WDFY1: variants seen among roughly 807,000 people sequenced by gnomAD.
WDFY1 encodes WD repeat and FYVE domain-containing protein 1.
In WDFY1, 32 loss-of-function variants were observed where a neutral mutation model predicts 56.4. That is an observed-to-expected ratio of 0.57 (90% CI 0.43 to 0.76). The LOEUF is 0.76. WDFY1 is among the 30% of genes least tolerant of loss of function. WDFY1 has a pLI of 0.00. For missense variants in WDFY1, 480 were observed against 545.7 expected (o/e 0.88, Z 1.20); for synonymous variants, 192 against 197.3 (o/e 0.97, Z 0.23).
At position 223,905,277 on chromosome 2, in the gene WDFY1, GA is replaced by G. The variant is rs1693577620; in HGVS notation, c.334+669del. Among the ~76,000 whole-genome samples, 8 of 152,228 alleles carry G rather than the reference GA, an allele frequency of 5.3e-5. No individual in the cohort carries two copies. The South Asian group carries it at 1.7e-3, about 32-fold the overall frequency. On this transcript the variant is annotated intron_variant, in intron 4 of 11. Transcript: ENST00000233055. ...GCACTTAAAAAACTTTTTAATGTCT[GA>G]CCCGGTTATTCCACTTTGTAGGAAT...
intron 1 of WDFY1, among the ~76,000 whole-genome samples, chr2:223,929,602 C>T (rs1694042191): frequency 1.3e-5 from 2 of 152,146 alleles, no homozygotes; most frequent in East Asian, 3.9e-4. Context: ...TGATTTCCCA[C>T]CTCCCTGCAC....
chr2:223,888,878 G>A (rs757768664), intron 8 of WDFY1, among the ~76,000 whole-genome samples: 15 of 146,420 alleles, frequency 1.0e-4, no homozygotes, highest in South Asian at 4.3e-4. Flanking sequence ...GTGAGTCACC[G>A]TGCCTGGCCT....
intron 4 of WDFY1, among the ~76,000 whole-genome samples, chr2:223,903,941 AT>A (rs1693555062): frequency 6.6e-6 from 1 of 152,130 alleles, no homozygotes; most frequent in African/African-American, 2.4e-5. Context: ...TTATTAAGGA[AT>A]TTGCCTTTTG....
intron 6 of WDFY1, among the ~76,000 whole-genome samples, chr2:223,896,858 G>A (rs1440953284): frequency 6.6e-6 from 1 of 152,144 alleles, no homozygotes; most frequent in Non-Finnish European, 1.5e-5. Flanking sequence ...AGAGGCTTAA[G>A]AGCAGATAAA....
At chr2:223,901,692 C>A (rs1173629885) in intron 4 of WDFY1, among the ~76,000 whole-genome samples, 1 of 150,010 alleles carries the variant, frequency 6.7e-6, no homozygotes, top group East Asian at 2.0e-4. Context: ...ACTGTATGAA[C>A]AAGAACCATG....
At chr2:223,892,028 G>A (rs1213518764) in intron 8 of WDFY1, among the ~76,000 whole-genome samples, 1 of 152,180 alleles carries the variant, frequency 6.6e-6, no homozygotes, top group South Asian at 2.1e-4. Context: ...AGGTTGGAGC[G>A]CAGTGGTGCA....
At chr2:223,900,427 A>AACT (rs768094867) in intron 5 of WDFY1, among the ~76,000 whole-genome samples, 1 of 152,198 alleles carries the variant, frequency 6.6e-6, no homozygotes, top group Non-Finnish European at 1.5e-5. Context: ...CTGAGAGAGA[A>AACT]ACTACTGCGG....
chr2:223,938,856 ATT>A (rs10626915), intron 1 of WDFY1, among the ~76,000 whole-genome samples: 3 of 140,466 alleles, frequency 2.1e-5, no homozygotes, highest in Non-Finnish European at 3.0e-5. Context: ...TGTAAGCAGT[ATT>A]TTTTTTTTTT....
chr2:223,896,976 T>A (rs904867082), intron 6 of WDFY1, among the ~76,000 whole-genome samples: 1 of 152,114 alleles, frequency 6.6e-6, no homozygotes, highest in Non-Finnish European at 1.5e-5. Context: ...ATGAGAGAAT[T>A]AGTCATAAAC....
At position 223,945,293 on chromosome 2, in the gene WDFY1, G is replaced by A; in HGVS notation, c.-9C>T. ...TGGATTTCGGCCGCCATGTTCGCGC[G>A]GCGACTGCTGCGGCCTCCTCGGCAG... is the stretch of plus-strand genomic sequence containing the variant. On this transcript the variant is annotated 5_prime_UTR_variant, in exon 1 of 12. Transcript: ENST00000233055. 1 of 1,565,578 alleles carries A rather than the reference G, an allele frequency of 6.4e-7. No individual in the cohort carries two copies. Among genetic ancestry groups the A allele is most frequent in the South Asian group, 1.1e-5 (1 of 87,692 alleles).
chr2:223,882,167 T>G, intron 9 of WDFY1, 95 bp from the exon 10 acceptor site: 6 of 1,444,656 alleles, frequency 4.2e-6, no homozygotes, highest in Non-Finnish European at 5.5e-6. Flanking sequence ...CAGGCTGGAG[T>G]GCAGTGGCGT....
At position 223,938,349 on chromosome 2, in the gene WDFY1, CTG is replaced by C. The variant is rs534515855; in HGVS notation, c.137+6797_137+6798del. On this transcript the variant is annotated intron_variant, in intron 1 of 11. Coordinates refer to ENST00000233055, the MANE Select transcript of WDFY1 (RefSeq NM_020830.5). Reference sequence around the variant, plus strand: ...AAAATTGTATCATTCAATCAACTGACTGTCTACATTTTTGGTGCAGTCCACAG... The same window carrying C: ...AAAATTGTATCATTCAATCAACTGACTCTACATTTTTGGTGCAGTCCACAG... Among the ~76,000 whole-genome samples, 242 of 152,308 alleles carry C rather than the reference CTG, an allele frequency of 1.6e-3. 1 individual carries two copies. The highest frequency in any genetic ancestry group is 2.2e-3 in the Non-Finnish European group (152 of 68,022).
At chr2:223,902,774 T>C (rs1243669125) in intron 4 of WDFY1, among the ~76,000 whole-genome samples, 5 of 149,664 alleles carry the variant, frequency 3.3e-5, no homozygotes, top group Non-Finnish European at 7.4e-5. Context: ...AAAATATTTA[T>C]AAATATATAT....
intron 5 of WDFY1, among the ~76,000 whole-genome samples, chr2:223,899,467 G>A (rs138826048): frequency 6.6e-6 from 1 of 152,314 alleles, no homozygotes; most frequent in African/African-American, 2.4e-5. Context: ...CTACTGGGCT[G>A]GCTGCAGTGG....
At chr2:223,886,025 AG>A (rs1693169742) in intron 8 of WDFY1, among the ~76,000 whole-genome samples, 1 of 152,226 alleles carries the variant, frequency 6.6e-6, no homozygotes, top group African/African-American at 2.4e-5. Flanking sequence ...CAGAGGAAGC[AG>A]TCTCAAAATT....
intron 9 of WDFY1, 149 bp downstream of exon 9, chr2:223,884,499 T>C (rs1339789848): frequency 1.6e-5 from 12 of 744,418 alleles, no homozygotes; most frequent in Non-Finnish European, 2.3e-5. Flanking sequence ...GTCTTCCTCA[T>C]TGTTAGTCAC....
chr2:223,945,296 G>C lies in WDFY1; in HGVS notation c.-12C>G. On this transcript the variant is annotated 5_prime_UTR_variant, in exon 1 of 12. Transcript: ENST00000233055. ...ATTTCGGCCGCCATGTTCGCGCGGC[G>C]ACTGCTGCGGCCTCCTCGGCAGGCA... 3 of 1,562,798 alleles carry C rather than the reference G, an allele frequency of 1.9e-6. No homozygotes were observed. Among genetic ancestry groups the C allele is most frequent in the Non-Finnish European group, 2.6e-6 (3 of 1,162,296 alleles).
intron 1 of WDFY1, among the ~76,000 whole-genome samples, chr2:223,918,875 C>T (rs1693841031): frequency 2.0e-5 from 3 of 152,176 alleles, no homozygotes; most frequent in African/African-American, 7.2e-5. Flanking sequence ...GCCTTCTGCT[C>T]CCCAGAGGAA....
At chr2:223,918,158 T>C in intron 1 of WDFY1, 148 bp from the exon 2 acceptor site, 2 of 667,262 alleles carry the variant, frequency 3.0e-6, no homozygotes, top group South Asian at 1.9e-5. Context: ...AATATATACA[T>C]ACATGTACAC....
Sources: gnomAD v4.1 joint callset for allele counts (sites outside exome capture counted in the v4.1 genomes callset) on GRCh38, gnomAD v4.1.1 for gene constraint, MANE v1.5 for transcripts, NCBI Gene and HGNC (gene_info 2026-07-23, HGNC 2026-07-21) for gene names.